The following CAV1 variants were observed in gnomAD, a reference collection of about 807,000 sequenced individuals.
CAV1 encodes caveolin 1.
Under a neutral mutation model 16.5 loss-of-function variants are expected in CAV1, and 10 were observed. The ratio of observed to expected loss-of-function variants is 0.61; its 90% CI spans 0.37 to 1.03. The LOEUF is 1.03. Ranked by LOEUF, CAV1 falls within the 50% of genes least tolerant of loss-of-function variation. CAV1 has a pLI of 0.01. For missense variants in CAV1, 212 were observed against 232.8 expected (o/e 0.91, Z 0.58); for synonymous variants, 76 against 85.1 (o/e 0.89, Z 0.59).
chr7:116,559,222 C>G lies in CAV1; in HGVS notation c.472C>G (p.Pro158Ala), dbSNP rs539260231. 6.2e-7 allele frequency: 1 copy of G among 1,613,904 alleles called. No individual in the cohort carries two copies. The highest frequency in any genetic ancestry group is 1.7e-5 in the Admixed American group (1 of 59,990). Residue 158 changes from proline (P) to alanine (A), a missense_variant, in exon 3 of 3, where the codon CCA becomes GCA. Transcript: ENST00000341049. ...YSIYVHTVCD[P>A]LFEAVGKIFS... ...CATCTACGTCCACACCGTCTGTGACCCACTCTTTGAAGCTGTTGGGAAAAT... is the reference window on the plus strand; with the variant it reads ...CATCTACGTCCACACCGTCTGTGACGCACTCTTTGAAGCTGTTGGGAAAAT...
rs553854136 is a variant in CAV1 at position 116,525,128 on chromosome 7, C to T, written c.30+36C>T. 89 of 1,614,110 alleles carry T rather than the reference C, an allele frequency of 5.5e-5. No individual in the cohort carries two copies. In the South Asian group the frequency reaches 9.4e-4, roughly 17 times the overall value. On this transcript the variant is annotated intron_variant, in intron 1 of 2. Transcript: ENST00000341049. The stretch of plus-strand genomic sequence containing the variant: ...GTGGGGGGGCGCCGGCTCGGGCGTG[C>T]GGGGAGTGTCCGCTTCTGCTATCTG...
In CAV1 at chr7:116,559,366, C is replaced by G. The variant is rs1794359035; in HGVS notation, c.*79C>G. ...GGTGCCAATTTCAAGTTCCAAGTTG[C>G]TAATACAGCAACAATTTATGAATTG... On this transcript the variant is annotated 3_prime_UTR_variant, in exon 3 of 3. Transcript: ENST00000341049. The G allele has an allele frequency of 4.3e-6, 4 of 936,670 alleles. No homozygotes were observed. The highest frequency in any genetic ancestry group is 6.8e-6 in the Non-Finnish European group (4 of 586,186). The allele number at this position is 936,670 out of a possible 1,614,324, so 58.0% of individuals were successfully genotyped here.
In CAV1 at chr7:116,530,679, A is replaced by G. The variant is rs191273136; in HGVS notation, c.195+3990A>G. ...AGGCATGGAGACAAGAATGTCTCCCACAAGGGAGTTGTAGTAGCTCAATCA... is the reference window on the plus strand; with the variant it reads ...AGGCATGGAGACAAGAATGTCTCCCGCAAGGGAGTTGTAGTAGCTCAATCA... On this transcript the variant is annotated intron_variant, in intron 2 of 2. Transcript: ENST00000341049. Among the ~76,000 whole-genome samples, 581 of 152,316 alleles carry G rather than the reference A, an allele frequency of 3.8e-3. 4 individuals carry two copies. The highest frequency in any genetic ancestry group is 0.013 in the African/African-American group (552 of 41,570).
intron 2 of CAV1, among the ~76,000 whole-genome samples, chr7:116,558,541 C>T (rs113256804): frequency 1.3e-5 from 2 of 149,368 alleles, no homozygotes; most frequent in African/African-American, 5.0e-5. Flanking sequence ...TGATCTCAGG[C>T]GTTCAAGACC....
chr7:116,547,813 T>C (rs1794084870), intron 2 of CAV1, among the ~76,000 whole-genome samples: 1 of 152,192 alleles, frequency 6.6e-6, no homozygotes, highest in African/African-American at 2.4e-5. Context: ...TTTGCATAAA[T>C]TAACTGATGC....
At chr7:116,525,132 G>A in intron 1 of CAV1, 40 bp downstream of exon 1, 1 of 1,614,178 alleles carries the variant, frequency 6.2e-7, no homozygotes, top group Middle Eastern at 1.6e-4. Flanking sequence ...GGCGTGCGGG[G>A]AGTGTCCGCT....
intron 1 of CAV1, 126 bp downstream of exon 1, chr7:116,525,218 G>A: frequency 1.9e-6 from 3 of 1,612,770 alleles, no homozygotes; most frequent in Non-Finnish European, 2.5e-6. Flanking sequence ...GCACTCCTCT[G>A]GCGTTGGCAC....
intron 2 of CAV1, among the ~76,000 whole-genome samples, chr7:116,546,004 T>C (rs1028759359): frequency 6.6e-6 from 1 of 152,202 alleles, no homozygotes. Flanking sequence ...CTTTCAACAC[T>C]TGGAGGGGTT....
chr7:116,557,351 C>T (rs895086238), intron 2 of CAV1, among the ~76,000 whole-genome samples: 2 of 152,120 alleles, frequency 1.3e-5, no homozygotes, highest in African/African-American at 2.4e-5. Flanking sequence ...TGAGTAGCTC[C>T]GTGGAGTCAT....
chr7:116,555,726 T>A (rs1794282689), intron 2 of CAV1, among the ~76,000 whole-genome samples: 1 of 150,632 alleles, frequency 6.6e-6, no homozygotes, highest in Non-Finnish European at 1.5e-5. Context: ...TTTTAAATGC[T>A]ACTATTTTTT....
intron 2 of CAV1, among the ~76,000 whole-genome samples, chr7:116,545,841 G>A (rs1240591005): frequency 6.6e-6 from 1 of 152,234 alleles, no homozygotes; most frequent in Non-Finnish European, 1.5e-5. Context: ...CCCATGACAT[G>A]CCCAGAAGGT....
intron 2 of CAV1, among the ~76,000 whole-genome samples, chr7:116,529,882 T>C (rs1793647437): frequency 6.6e-6 from 1 of 152,214 alleles, no homozygotes; most frequent in Admixed American, 6.5e-5. Flanking sequence ...AAACCCTTCA[T>C]TCTCCCTCTG....
intron 2 of CAV1, among the ~76,000 whole-genome samples, chr7:116,529,123 C>T (rs1793632518): frequency 6.6e-6 from 1 of 152,162 alleles, no homozygotes; most frequent in Non-Finnish European, 1.5e-5. Context: ...AGCCACTACA[C>T]CTGGCCAACA....
chr7:116,526,970 G>A, intron 2 of CAV1: 2 of 478,140 alleles, frequency 4.2e-6, no homozygotes, highest in Non-Finnish European at 7.7e-6. Context: ...TTTTATCCTA[G>A]CAAATGAGCC....
At chr7:116,538,505 A>G (rs958634664) in intron 2 of CAV1, among the ~76,000 whole-genome samples, 2 of 152,242 alleles carry the variant, frequency 1.3e-5, no homozygotes, top group Non-Finnish European at 2.9e-5. Flanking sequence ...TAATTATTTT[A>G]GTTAGCTTCA....
intron 2 of CAV1, among the ~76,000 whole-genome samples, chr7:116,534,395 A>ATTTTTTTTTTTTTTTT (rs1159703159): frequency 2.6e-4 from 2 of 7,828 alleles, no homozygotes; most frequent in Non-Finnish European, 5.3e-4. Context: ...ATATATATAT[A>ATTTTTTTTTTTTTTTT]TTTTTTTTTT....
intron 2 of CAV1, among the ~76,000 whole-genome samples, chr7:116,540,509 A>C (rs1793913399): frequency 1.3e-5 from 2 of 152,246 alleles, no homozygotes; most frequent in South Asian, 4.1e-4. Flanking sequence ...CCATCAAAAA[A>C]GAATGATGAG....
intron 2 of CAV1, among the ~76,000 whole-genome samples, chr7:116,528,928 C>T (rs1793628024): frequency 6.6e-6 from 1 of 152,116 alleles, no homozygotes; most frequent in Non-Finnish European, 1.5e-5. Flanking sequence ...CTCCCAGGTT[C>T]AAGCAATTCT....
chr7:116,525,301 G>C (rs1393348060), intron 1 of CAV1: 1 of 1,553,952 alleles, frequency 6.4e-7, no homozygotes, highest in East Asian at 2.4e-5. Context: ...ATGGAGAGGG[G>C]GCCTAGGGAG....
Sources: gnomAD v4.1 joint callset for allele counts (sites outside exome capture counted in the v4.1 genomes callset) on GRCh38, gnomAD v4.1.1 for gene constraint, MANE v1.5 for transcripts, NCBI Gene and HGNC (gene_info 2026-07-23, HGNC 2026-07-21) for gene names.